The following SPRY3 variants were observed in gnomAD, a reference collection of about 807,000 sequenced individuals.
SPRY3 encodes protein sprouty homolog 3.
Under a neutral mutation model 20.2 loss-of-function variants are expected in SPRY3, and 15 were observed. The ratio of observed to expected loss-of-function variants is 0.74; its 90% CI spans 0.50 to 1.14. The LOEUF is 1.14. Ranked by LOEUF, SPRY3 falls within the 50% of genes most tolerant of loss-of-function variation. The probability of loss-of-function intolerance (pLI) is 0.00; values close to 1 mark genes in which losing one functional copy is unlikely to be tolerated. For missense variants in SPRY3, 364 were observed against 363.9 expected (o/e 1.00, Z 0.00); for synonymous variants, 143 against 136.5 (o/e 1.05, Z -0.33).
chrX:155,738,930 G>A (rs772290170), intron 2 of SPRY3, among the ~76,000 whole-genome samples: 1 of 152,254 alleles, frequency 6.6e-6, no homozygotes, highest in African/African-American at 2.4e-5. Flanking sequence ...TTGTTCTGTG[G>A]GCCCCACTTC....
At chrX:155,749,028 A>C (rs949798547) in intron 2 of SPRY3, among the ~76,000 whole-genome samples, 5 of 151,946 alleles carry the variant, frequency 3.3e-5, no homozygotes, top group African/African-American at 1.2e-4. Flanking sequence ...GAAGTGAACT[A>C]TATGGATAAA....
At chrX:155,696,234 C>CATAT (rs796414376) in intron 2 of SPRY3, among the ~76,000 whole-genome samples, 5 of 99,161 alleles carry the variant, frequency 5.0e-5, no homozygotes, top group Non-Finnish European at 8.0e-5. Context: ...CACACACACA[C>CATAT]ATATATATAT....
At chrX:155,662,998 A>G (rs2068015078) in intron 2 of SPRY3, among the ~76,000 whole-genome samples, 1 of 112,139 alleles carries the variant, frequency 8.9e-6, no homozygotes, top group Non-Finnish European at 1.9e-5. Flanking sequence ...AAGTATACAT[A>G]AAAAGGCTAT....
At chrX:155,662,947 C>A (rs2068014915) in intron 2 of SPRY3, among the ~76,000 whole-genome samples, 1 of 111,692 alleles carries the variant, frequency 9.0e-6, no homozygotes, top group South Asian at 3.7e-4. Context: ...TACTGCACTT[C>A]TTTTGCCAAG....
chrX:155,751,456 C>T (rs1320302637), intron 2 of SPRY3, among the ~76,000 whole-genome samples: 2 of 151,838 alleles, frequency 1.3e-5, no homozygotes, highest in Non-Finnish European at 2.9e-5. Context: ...ACAATGGAAA[C>T]CATACAGTTC....
intron 2 of SPRY3, among the ~76,000 whole-genome samples, chrX:155,765,871 G>A (rs1237447577): frequency 6.6e-6 from 1 of 152,216 alleles, no homozygotes; most frequent in Non-Finnish European, 1.5e-5. Context: ...TGGGGTGCTT[G>A]CTATATGCCA....
chrX:155,630,973 G>A (rs1471757770), intron 1 of SPRY3, among the ~76,000 whole-genome samples: 3 of 108,594 alleles, frequency 2.8e-5, no homozygotes, highest in African/African-American at 1.0e-4. Context: ...TTTTAGATAC[G>A]GGGGTACATG....
chrX:155,776,952 ATGT>A (rs1350820366), downstream of SPRY3: 1 of 167,064 alleles, frequency 6.0e-6, no homozygotes, highest in Non-Finnish European at 1.5e-5. Context: ...ATTATTAATA[ATGT>A]TAATGATATT....
chrX:155,632,308 G>T (rs1357277667), intron 1 of SPRY3, among the ~76,000 whole-genome samples: 1 of 110,430 alleles, frequency 9.1e-6, no homozygotes, highest in Non-Finnish European at 1.9e-5. Context: ...AAGGTTTTGA[G>T]AAATATATTA....
rs782634516 is a variant in SPRY3 at position 155,665,589 on chromosome X, A to T, written c.-282+8564A>T. On this transcript the variant is annotated intron_variant, in intron 2 of 3. Transcript: ENST00000675360. The stretch of plus-strand genomic sequence containing the variant: ...TTAAAATCATAACATTGAGGGGGGA[A>T]AAAGCAAGATGCAAAAGGTATGTAC... 1.2e-4 allele frequency among the ~76,000 whole-genome samples: 13 copies of T among 111,750 alleles called. No homozygotes were observed. The East Asian group carries it at 3.1e-3, about 27-fold the overall frequency.
intron 2 of SPRY3, among the ~76,000 whole-genome samples, chrX:155,677,679 T>C (rs766050585): frequency 9.0e-6 from 1 of 111,538 alleles, no homozygotes; most frequent in Non-Finnish European, 1.9e-5. Flanking sequence ...TATCTTTCAA[T>C]TGGTCCCAAA....
At chrX:155,742,390 A>G (rs1307617787) in intron 2 of SPRY3, among the ~76,000 whole-genome samples, 1 of 152,174 alleles carries the variant, frequency 6.6e-6, no homozygotes, top group East Asian at 1.9e-4. Flanking sequence ...ACACAATAAT[A>G]CTAGGAGACT....
intron 2 of SPRY3, among the ~76,000 whole-genome samples, chrX:155,714,281 A>T (rs2091006361): frequency 1.3e-5 from 2 of 151,978 alleles, no homozygotes; most frequent in Non-Finnish European, 2.9e-5. Context: ...TCAGTGTCTG[A>T]GTGTTGAAGT....
chrX:155,629,001 TG>T (rs1427231334), intron 1 of SPRY3, among the ~76,000 whole-genome samples: 2 of 111,661 alleles, frequency 1.8e-5, no homozygotes, highest in Admixed American at 1.9e-4. Flanking sequence ...TTTTCTTTTT[TG>T]TTTTTTTGTT....
At chrX:155,778,444 A>C (rs1271864909), downstream of SPRY3, 1 of 167,016 alleles carries the variant, frequency 6.0e-6, no homozygotes, top group Admixed American at 6.6e-5. Context: ...TATGATGTAG[A>C]GCTATTAAGG....
At chrX:155,673,910 T>C (rs782472235) in intron 2 of SPRY3, among the ~76,000 whole-genome samples, 2 of 111,760 alleles carry the variant, frequency 1.8e-5, no homozygotes, top group South Asian at 7.5e-4. Context: ...TTACCATTTT[T>C]CTCTAAGTCA....
intron 2 of SPRY3, among the ~76,000 whole-genome samples, chrX:155,725,687 G>A (rs181096823): frequency 4.3e-4 from 65 of 152,072 alleles, no homozygotes; most frequent in African/African-American, 1.3e-3. Flanking sequence ...ATTTTTTATT[G>A]CATCTATTTG....
chrX:155,633,925 A>T (rs988683116), intron 1 of SPRY3, among the ~76,000 whole-genome samples: 2 of 111,448 alleles, frequency 1.8e-5, no homozygotes, highest in Admixed American at 9.5e-5. Flanking sequence ...TACTGAAAAT[A>T]CAAAAATTAG....
At chrX:155,780,415 G>A (rs700451), downstream of SPRY3, 167,126 of 167,126 alleles carry the variant, frequency 1, 83,563 homozygotes, top group Non-Finnish European at 1. Flanking sequence ...CTAAGGCCTA[G>A]AGTACTTTAA....
Sources: allele counts gnomAD v4.1 joint callset (sites outside exome capture counted in the v4.1 genomes callset), GRCh38; gene constraint gnomAD v4.1.1; transcripts MANE v1.5; gene names NCBI Gene and HGNC (gene_info 2026-07-23, HGNC 2026-07-21).